ACOX1: variants seen among roughly 807,000 people sequenced by gnomAD.
ACOX1 encodes acyl-CoA oxidase 1, also known as peroxisomal acyl-coenzyme A oxidase 1.
ACOX1 carries 41 observed loss-of-function variants against 75.5 expected under a neutral mutation model. The observed-to-expected ratio is 0.54, with a 90% CI of 0.42 to 0.70. The LOEUF (loss-of-function observed/expected upper bound fraction) is 0.70. Among genes scored for constraint, ACOX1 ranks in the 30% least tolerant of loss-of-function variants. The pLI is 0.00. For synonymous variants in ACOX1, 303 were observed against 298.8 expected, an observed-to-expected ratio of 1.01 and a Z score of -0.15; for missense variants, 630 against 837.5, an observed-to-expected ratio of 0.75 and a Z score of 3.06.
At chr17:75,948,496 G>T (rs1369438293) in intron 12 of ACOX1, 39 bp from the exon 13 acceptor site, 1 of 1,504,862 alleles carries the variant, frequency 6.6e-7, no homozygotes, top group Non-Finnish European at 9.2e-7. Flanking sequence ...ACATATATAT[G>T]TATATAGATA....
intron 2 of ACOX1, among the ~76,000 whole-genome samples, chr17:75,965,337 C>CAAAAAAAAAAAAAAAA (rs11293371): frequency 1.2e-5 from 1 of 81,702 alleles, no homozygotes; most frequent in Non-Finnish European, 2.6e-5. Flanking sequence ...GACTCTGTCT[C>CAAAAAAAAAAAAAAAA]AAAAAAAAAA....
In ACOX1 at chr17:75,975,924, AGAAAG is replaced by A. The variant is rs1377686049; in HGVS notation, c.269+2605_269+2609del. On this transcript the variant is annotated intron_variant, in intron 2 of 13. Coordinates refer to ENST00000293217, the MANE Select transcript of ACOX1 (RefSeq NM_004035.7). ...AAGAGGAAGAGAAAGAGAAAGAAAA[AGAAAG>A]GAAAAGAAAGAAAAGAAAAGAAAGA... Among the ~76,000 whole-genome samples the A allele has an allele frequency of 3.3e-5, 5 of 151,666 alleles. No individual in the cohort carries two copies. The South Asian group carries it at 1.0e-3, about 31-fold the overall frequency.
intron 13 of ACOX1, among the ~76,000 whole-genome samples, chr17:75,947,033 T>G (rs760496068): frequency 1.3e-5 from 2 of 151,856 alleles, no homozygotes; most frequent in Non-Finnish European, 2.9e-5. Context: ...GACACCTGGC[T>G]GCTATTTGTA....
rs192679579 is a variant in ACOX1, at chr17:75,962,278, C to T, written c.270-1903G>A. Among the ~76,000 whole-genome samples, 102 of 152,256 alleles carry T rather than the reference C, an allele frequency of 6.7e-4. 1 individual carries two copies. Among genetic ancestry groups the T allele is most frequent in the Admixed American group, 2.2e-3 (34 of 15,280 alleles). ...GCATAAGCTCTCCGTGACAATTATACAGAAATTATCATTAATGATAATAAA... is the reference window on the plus strand; with the variant it reads ...GCATAAGCTCTCCGTGACAATTATATAGAAATTATCATTAATGATAATAAA... On this transcript the variant is annotated intron_variant, in intron 2 of 13. Coordinates refer to ENST00000293217, the MANE Select transcript of ACOX1 (RefSeq NM_004035.7).
At chr17:75,961,465 CAAAAAAAAAAAA>C (rs142857967) in intron 2 of ACOX1, among the ~76,000 whole-genome samples, 5 of 50,800 alleles carry the variant, frequency 9.8e-5, no homozygotes, top group African/African-American at 1.5e-4. Flanking sequence ...ACTAAAAATA[CAAAAAAAAAAAA>C]AAAAAAAAAA....
intron 2 of ACOX1, among the ~76,000 whole-genome samples, chr17:75,971,419 A>C (rs1007079712): frequency 1.3e-5 from 2 of 152,174 alleles, no homozygotes; most frequent in East Asian, 1.9e-4. Flanking sequence ...AGTATAGTTC[A>C]AGTCTTCCTT....
intron 12 of ACOX1, among the ~76,000 whole-genome samples, 158 bp downstream of exon 12, chr17:75,949,046 GACAGGGTTTCACC>G (rs1474013533): frequency 7.9e-5 from 12 of 151,526 alleles, no homozygotes; most frequent in African/African-American, 2.7e-4. Context: ...TTTTAGTAGA[GACAGGGTTTCACC>G]AGGCCAGGCT....
At position 75,944,876 on chromosome 17, in the gene ACOX1, A is replaced by C. The variant is rs1274770799; in HGVS notation, c.*1872T>G. 1.3e-5 allele frequency: 2 copies of C among 152,106 alleles called. No individual in the cohort carries two copies. Among genetic ancestry groups the C allele is most frequent in the African/African-American group, 2.4e-5 (1 of 41,418 alleles). 9.4% of individuals were successfully genotyped at this position (152,106 alleles called of 1,614,324 possible). A position where few individuals can be genotyped will look rare whatever the true frequency, so the allele number is the denominator to read the frequency against. ...TGCCTCAGCCTCCCGAGTAGCTGGG[A>C]CTACAGGCGCGTGCTACCACCATGC... On this transcript the variant is annotated 3_prime_UTR_variant, in exon 14 of 14. Transcript: ENST00000293217.
intron 2 of ACOX1, chr17:75,973,516 T>TA: frequency 8.2e-7 from 1 of 1,223,270 alleles, no homozygotes. Context: ...CTTAACAACT[T>TA]AAAAATAGAA....
intron 7 of ACOX1, among the ~76,000 whole-genome samples, chr17:75,952,985 T>C (rs963601220): frequency 1.2e-4 from 19 of 152,142 alleles, no homozygotes; most frequent in Admixed American, 3.3e-4. Context: ...AGTTTCTTTA[T>C]TCCTTAGGAG....
chr17:75,955,740 C>T (rs979713973), intron 5 of ACOX1, 59 bp from the exon 6 acceptor site: 4 of 1,612,080 alleles, frequency 2.5e-6, no homozygotes, highest in Non-Finnish European at 1.7e-6. Context: ...CTGGCTTTTG[C>T]TCCGCCTCTT....
At chr17:75,947,970 G>A (rs897535683) in intron 13 of ACOX1, among the ~76,000 whole-genome samples, 4 of 151,798 alleles carry the variant, frequency 2.6e-5, no homozygotes, top group Admixed American at 1.3e-4. Flanking sequence ...CTGCCCACTC[G>A]GCCTCCCACA....
chr17:75,951,780 T>G (rs1456387250), intron 7 of ACOX1, among the ~76,000 whole-genome samples: 1 of 151,518 alleles, frequency 6.6e-6, no homozygotes, highest in Non-Finnish European at 1.5e-5. Context: ...ACAGCTCGTA[T>G]GTGGCAGGTC....
In ACOX1 at chr17:75,946,705, A is replaced by G; in HGVS notation, c.*43T>C. 6.3e-7 allele frequency: 1 copy of G among 1,590,520 alleles called. No homozygotes were observed. The highest frequency in any genetic ancestry group is 8.6e-7 in the Non-Finnish European group (1 of 1,158,882). On this transcript the variant is annotated 3_prime_UTR_variant, in exon 14 of 14. Transcript: ENST00000293217. ...AGATTCCACAAAATTTGAGTTGCACACAGGCGCTTTCTGAAGCAGATTAAA... is the reference window on the plus strand; with the variant it reads ...AGATTCCACAAAATTTGAGTTGCACGCAGGCGCTTTCTGAAGCAGATTAAA...
Position 75,950,676 on chromosome 17 carries a change from A to C in ACOX1, c.1298+98T>G. On this transcript the variant is annotated intron_variant, in intron 9 of 13. Transcript: ENST00000293217. The surrounding 1 kb of genome is among the most constrained non-coding windows in gnomAD (Gnocchi z 4.3). ...AAGTATACCTTTCAGGAACAAATAT[A>C]TATATACGGTGAAGAAAAACCATGG... The C allele has an allele frequency of 7.5e-7, 1 of 1,325,282 alleles. No homozygotes were observed. The highest frequency in any genetic ancestry group is 1.8e-4 in the Middle Eastern group (1 of 5,426). The allele number at this position is 1,325,282 out of a possible 1,614,324, so 82.1% of individuals were successfully genotyped here.
At position 75,948,449 on chromosome 17, in the gene ACOX1, G is replaced by A; in HGVS notation, c.1737C>T (p.Ile579=). The change falls in exon 13 of 14, where the codon ATC becomes ATT. Residue 579 remains isoleucine, a synonymous_variant. Transcript: ENST00000293217. ...CTTGTGTAATCTGAGGCTCTGTCAT[G>A]ATGCTCCCCTAAAAGAGACCAAAAT... ...QNAGDFLQGS[I]MTEPQITQVN... 6.2e-7 allele frequency: 1 copy of A among 1,614,066 alleles called. No individual in the cohort carries two copies. The highest frequency in any genetic ancestry group is 8.5e-7 in the Non-Finnish European group (1 of 1,180,008).
At position 75,978,845 on chromosome 17, in the gene ACOX1, G is replaced by A. The variant is rs1246273098; in HGVS notation, c.109+120C>T. ...GACACAGGCTGTTCCTCGAAGTGGG[G>A]GTCCCGGCTCCCCTAACGCTGGGCC... On this transcript the variant is annotated intron_variant, in intron 1 of 13. Coordinates refer to ENST00000293217, the MANE Select transcript of ACOX1 (RefSeq NM_004035.7). The surrounding 1 kb of genome is among the most constrained non-coding windows in gnomAD (Gnocchi z 4.2). 2.5e-6 allele frequency: 4 copies of A among 1,597,308 alleles called. No individual in the cohort carries two copies. The highest frequency in any genetic ancestry group is 3.4e-5 in the Admixed American group (2 of 59,354).
chr17:75,969,741 A>C (rs1437394828), intron 2 of ACOX1, among the ~76,000 whole-genome samples: 2 of 152,226 alleles, frequency 1.3e-5, no homozygotes, highest in Non-Finnish European at 2.9e-5. Flanking sequence ...AGGATACTGC[A>C]TCAGCTTCAA....
chr17:75,944,828 C>G lies in ACOX1; in HGVS notation c.*1920G>C, dbSNP rs1432172346. The stretch of plus-strand genomic sequence containing the variant: ...CATCTTGGCTCACTGCAACCTCTAC[C>G]CGCCAAGTTCAAGCGATTATCCTGC... On this transcript the variant is annotated 3_prime_UTR_variant, in exon 14 of 14. Transcript: ENST00000293217. 1 of 152,130 alleles carries G rather than the reference C, an allele frequency of 6.6e-6. No individual in the cohort carries two copies. The highest frequency in any genetic ancestry group is 1.9e-4 in the East Asian group (1 of 5,188). 9.4% of individuals were successfully genotyped at this position (152,130 alleles called of 1,614,324 possible). A position where few individuals can be genotyped will look rare whatever the true frequency, so the allele number is the denominator to read the frequency against.
Sources: gnomAD v4.1 joint callset for allele counts (sites outside exome capture counted in the v4.1 genomes callset) on GRCh38, gnomAD v4.1.1 for gene constraint, Gnocchi (gnomAD v3.1) non-coding constraint, MANE v1.5 for transcripts, NCBI Gene and HGNC (gene_info 2026-07-23, HGNC 2026-07-21) for gene names.